EPHA6: variants seen among roughly 807,000 people sequenced by gnomAD.
EPHA6 encodes the protein EPH receptor A6.
Under a neutral mutation model 112.0 loss-of-function variants are expected in EPHA6, and 50 were observed. The ratio of observed to expected loss-of-function variants is 0.45; its 90% CI spans 0.36 to 0.56. The LOEUF is 0.56. EPHA6 is among the 20% of genes least tolerant of loss of function. The pLI is 0.00. For missense variants in EPHA6, 1,280 were observed against 1,417.4 expected, an observed-to-expected ratio of 0.90 and a Z score of 1.56; for synonymous variants, 529 against 490.7, an observed-to-expected ratio of 1.08 and a Z score of -1.03.
At chr3:97,139,019 C>T (rs924156786) in intron 3 of EPHA6, among the ~76,000 whole-genome samples, 2 of 152,174 alleles carry the variant, frequency 1.3e-5, no homozygotes, top group African/African-American at 4.8e-5. Flanking sequence ...ACAGTTGCCT[C>T]TGCCCCTCCC....
intron 6 of EPHA6, among the ~76,000 whole-genome samples, chr3:97,418,530 A>G (rs941783351): frequency 6.6e-6 from 1 of 152,156 alleles, no homozygotes; most frequent in Non-Finnish European, 1.5e-5. Context: ...CCACAATAGA[A>G]AGTAGACAGT....
chr3:97,021,750 A>G (rs1050689754), intron 3 of EPHA6, among the ~76,000 whole-genome samples: 1 of 152,178 alleles, frequency 6.6e-6, no homozygotes, highest in African/African-American at 2.4e-5. Context: ...AACCCTATTT[A>G]ATGTTAATAA....
chr3:97,067,207 T>C (rs1201078363), intron 3 of EPHA6, among the ~76,000 whole-genome samples: 1 of 152,116 alleles, frequency 6.6e-6, no homozygotes, highest in Non-Finnish European at 1.5e-5. Flanking sequence ...AAATTTAAAT[T>C]GCATACTTTA....
intron 6 of EPHA6, among the ~76,000 whole-genome samples, chr3:97,441,673 T>C (rs2090142288): frequency 6.6e-6 from 1 of 152,062 alleles, no homozygotes; most frequent in Non-Finnish European, 1.5e-5. Context: ...TTACATACTT[T>C]TTGTGATATA....
chr3:96,954,886 C>G (rs534630858), intron 2 of EPHA6, among the ~76,000 whole-genome samples: 1 of 148,530 alleles, frequency 6.7e-6, no homozygotes, highest in South Asian at 2.2e-4. Context: ...CTCCGCTTCC[C>G]GGGTTCACGC....
chr3:97,606,644 A>G lies in EPHA6; in HGVS notation c.2513-4149A>G, dbSNP rs993346588. On this transcript the variant is annotated intron_variant, in intron 12 of 17. Coordinates refer to ENST00000389672, the MANE Select transcript of EPHA6 (RefSeq NM_001080448.3). ...GATCTGATAATCATCAGGCAACACC[A>G]TAAGAAGAAAACAGTTCTTTAATTT... 1.1e-4 allele frequency among the ~76,000 whole-genome samples: 17 copies of G among 151,466 alleles called. No homozygotes were observed. The East Asian group carries it at 1.9e-3, about 17-fold the overall frequency.
At chr3:97,721,173 C>T (rs1217055326) in intron 15 of EPHA6, among the ~76,000 whole-genome samples, 1 of 152,176 alleles carries the variant, frequency 6.6e-6, no homozygotes, top group Non-Finnish European at 1.5e-5. Flanking sequence ...AATAAGAAAT[C>T]ACCTATAATG....
intron 2 of EPHA6, among the ~76,000 whole-genome samples, chr3:96,898,800 C>T (rs1230431588): frequency 2.6e-5 from 4 of 151,894 alleles, no homozygotes; most frequent in Middle Eastern, 3.4e-3. Flanking sequence ...GAGGCCGAGA[C>T]GGGCGGATCA....
Position 96,912,415 on chromosome 3 carries a change from A to G in EPHA6, c.450+45526A>G, listed in dbSNP as rs74501067. On this transcript the variant is annotated intron_variant, in intron 2 of 17. Transcript: ENST00000389672. ...GAGATATTGAAAACAGGAGATTTCA[A>G]TATTGTGAGATAAATGCAGTGCTGT... 4.6e-5 allele frequency among the ~76,000 whole-genome samples: 7 copies of G among 152,240 alleles called. No homozygotes were observed. In the East Asian group the frequency reaches 1.2e-3, roughly 25 times the overall value.
chr3:97,017,838 G>A (rs1043673105), intron 3 of EPHA6, among the ~76,000 whole-genome samples: 1 of 151,944 alleles, frequency 6.6e-6, no homozygotes, highest in Non-Finnish European at 1.5e-5. Context: ...TTTCTAGGTT[G>A]GGGATGTTCT....
At chr3:97,731,794 A>G (rs1468283868) in intron 15 of EPHA6, among the ~76,000 whole-genome samples, 1 of 152,026 alleles carries the variant, frequency 6.6e-6, no homozygotes, top group Non-Finnish European at 1.5e-5. Flanking sequence ...TTGATAGAAA[A>G]TTGAACTCAT....
At chr3:96,816,547 G>T (rs796394123) in intron 1 of EPHA6, among the ~76,000 whole-genome samples, 55 of 152,224 alleles carry the variant, frequency 3.6e-4, no homozygotes, top group African/African-American at 1.2e-3. Flanking sequence ...TAATTGGAAA[G>T]TCAGACATTG....
At chr3:97,717,688 G>T (rs920731400) in intron 14 of EPHA6, among the ~76,000 whole-genome samples, 5 of 152,104 alleles carry the variant, frequency 3.3e-5, no homozygotes, top group African/African-American at 1.2e-4. Flanking sequence ...TCACAGTGGG[G>T]GTTAAGGCTT....
intron 5 of EPHA6, among the ~76,000 whole-genome samples, chr3:97,266,063 AG>A (rs1173287325): frequency 2.0e-5 from 3 of 152,234 alleles, no homozygotes; most frequent in Non-Finnish European, 4.4e-5. Context: ...GATTCTCCAA[AG>A]ACCTACATGT....
intron 6 of EPHA6, among the ~76,000 whole-genome samples, chr3:97,447,039 G>A (rs1048480401): frequency 2.6e-5 from 4 of 151,800 alleles, no homozygotes; most frequent in African/African-American, 9.7e-5. Flanking sequence ...TGTACTTTAT[G>A]TTTAATAAGC....
At chr3:97,186,988 A>T (rs886420880) in intron 3 of EPHA6, among the ~76,000 whole-genome samples, 7 of 152,216 alleles carry the variant, frequency 4.6e-5, no homozygotes, top group South Asian at 2.1e-4. Context: ...ATCACACCTT[A>T]AAAAAATTGT....
chr3:97,594,111 G>T (rs1457084946), intron 12 of EPHA6, among the ~76,000 whole-genome samples: 1 of 152,192 alleles, frequency 6.6e-6, no homozygotes, highest in African/African-American at 2.4e-5. Flanking sequence ...TGAGCAGATT[G>T]TGTAGAGTTT....
chr3:97,645,977 T>G lies in EPHA6; in HGVS notation c.2784+7895T>G, dbSNP rs1406387757. The G allele has an allele frequency of 5.9e-6, 3 of 506,034 alleles. No homozygotes were observed. In the African/African-American group the frequency reaches 6.0e-5, roughly 10 times the overall value. 31.3% of individuals were successfully genotyped at this position (506,034 alleles called of 1,614,324 possible). On this transcript the variant is annotated intron_variant, in intron 14 of 17. Transcript: ENST00000389672. ...GACATGATAGATAAAGGTTGGGTTT[T>G]GTGGGGCAGTTGTTGGGGAGAGGTT...
intron 10 of EPHA6, among the ~76,000 whole-genome samples, chr3:97,494,588 C>T (rs1356712807): frequency 3.9e-5 from 6 of 152,050 alleles, no homozygotes; most frequent in Non-Finnish European, 5.9e-5. Flanking sequence ...TCTATCTGAC[C>T]ATCCAGCATT....
Sources: gnomAD v4.1 joint callset for allele counts (sites outside exome capture counted in the v4.1 genomes callset) on GRCh38, gnomAD v4.1.1 for gene constraint, MANE v1.5 for transcripts, NCBI Gene and HGNC (gene_info 2026-07-23, HGNC 2026-07-21) for gene names.